The following RGS6 variants were observed in gnomAD, a reference collection of about 807,000 sequenced individuals.
RGS6 encodes the protein regulator of G protein signaling 6.
In RGS6, 30 loss-of-function variants were observed where a neutral mutation model predicts 78.5. That is an observed-to-expected ratio of 0.38 (90% CI 0.29 to 0.52). The LOEUF (loss-of-function observed/expected upper bound fraction) is 0.52. Among genes scored for constraint, RGS6 ranks in the 20% least tolerant of loss-of-function variants. The pLI, the probability that RGS6 is intolerant of heterozygous loss-of-function variation, is 0.85. For synonymous variants in RGS6, 206 were observed against 206.0 expected, an observed-to-expected ratio of 1.00 and a Z score of 0.00; for missense variants, 495 against 609.7, an observed-to-expected ratio of 0.81 and a Z score of 1.98.
At position 72,158,717 on chromosome 14, in the gene RGS6, C is replaced by T. The variant is rs553180188; in HGVS notation, c.85-193378C>T. ...TTATGTAAGAGGGGTAATAATAGAG[C>T]CAGTGAAATACTGGATGAATTCATT... On this transcript the variant is annotated intron_variant, in intron 2 of 17. Coordinates refer to ENST00000553525, the MANE Select transcript of RGS6 (RefSeq NM_001204424.2). 2.0e-5 allele frequency among the ~76,000 whole-genome samples: 3 copies of T among 152,200 alleles called. No individual in the cohort carries two copies. In the East Asian group the frequency reaches 5.8e-4, roughly 29 times the overall value.
At chr14:72,033,414 T>G (rs2153348776) in intron 2 of RGS6, among the ~76,000 whole-genome samples, 1 of 152,108 alleles carries the variant, frequency 6.6e-6, no homozygotes, top group South Asian at 2.1e-4. Flanking sequence ...TTTTTATTAT[T>G]TGTAGAGATG....
At chr14:72,424,965 G>A (rs2094371986) in intron 3 of RGS6, among the ~76,000 whole-genome samples, 1 of 152,220 alleles carries the variant, frequency 6.6e-6, no homozygotes, top group Non-Finnish European at 1.5e-5. Flanking sequence ...AGATGCAACA[G>A]TGCTGAGAAC....
At chr14:72,321,504 G>T (rs1048023360) in intron 2 of RGS6, among the ~76,000 whole-genome samples, 1 of 151,906 alleles carries the variant, frequency 6.6e-6, no homozygotes, top group African/African-American at 2.4e-5. Context: ...ATAGAAGGAT[G>T]AGCAAAGGAA....
chr14:72,079,121 C>T (rs904925647), intron 2 of RGS6, among the ~76,000 whole-genome samples: 1 of 152,088 alleles, frequency 6.6e-6, no homozygotes, highest in African/African-American at 2.4e-5. Context: ...TGCATCCAAA[C>T]CCATGAATTC....
intron 2 of RGS6, among the ~76,000 whole-genome samples, chr14:72,175,311 G>T (rs936641801): frequency 6.6e-6 from 1 of 152,170 alleles, no homozygotes; most frequent in Non-Finnish European, 1.5e-5. Context: ...AGTCAGCAGA[G>T]GATACTTTCA....
At chr14:72,614,777 GA>G in the RGS6 span, among the ~76,000 whole-genome samples, 55 of 96,002 alleles carry the variant, frequency 5.7e-4, no homozygotes, top group South Asian at 1.9e-3. Context: ...ACAAGCCTCA[GA>G]AAAAAAAAAA....
chr14:72,546,279 T>C (rs1045785919), intron 17 of RGS6, among the ~76,000 whole-genome samples: 3 of 152,262 alleles, frequency 2.0e-5, no homozygotes, highest in African/African-American at 4.8e-5. Context: ...TTTACTGTTA[T>C]AGTTTTGTAG....
At chr14:72,626,876 A>G in the RGS6 span, among the ~76,000 whole-genome samples, 1 of 151,934 alleles carries the variant, frequency 6.6e-6, no homozygotes, top group African/African-American at 2.4e-5. Context: ...CCATCTGATA[A>G]GTAAGAAATG....
chr14:72,190,735 T>C (rs369074769), intron 2 of RGS6, among the ~76,000 whole-genome samples: 3 of 152,242 alleles, frequency 2.0e-5, no homozygotes, highest in South Asian at 4.1e-4. Flanking sequence ...TATACACTTA[T>C]TACTGTTGGT....
chr14:72,502,260 C>T (rs976863618), intron 13 of RGS6, among the ~76,000 whole-genome samples: 3 of 152,166 alleles, frequency 2.0e-5, no homozygotes, highest in Non-Finnish European at 4.4e-5. Flanking sequence ...TCCTGGTCAG[C>T]AACTAGCATC....
intron 2 of RGS6, chr14:71,990,944 C>T (rs1409844166): frequency 2.3e-6 from 1 of 432,682 alleles, no homozygotes; most frequent in Non-Finnish European, 4.6e-6. Context: ...GAACCTGAAC[C>T]TGATTCTCTT....
chr14:72,413,914 T>C (rs1186151873), intron 3 of RGS6, among the ~76,000 whole-genome samples: 1 of 152,252 alleles, frequency 6.6e-6, no homozygotes, highest in Non-Finnish European at 1.5e-5. Flanking sequence ...TCTTCTGGCT[T>C]GTAGAGTTTC....
At chr14:71,905,364 G>A in the RGS6 span, among the ~76,000 whole-genome samples, 2 of 152,132 alleles carry the variant, frequency 1.3e-5, no homozygotes, top group African/African-American at 2.4e-5. Context: ...ATGTTGTTTT[G>A]TCTTTTTTTG....
chr14:72,273,281 A>T (rs1487443223), intron 2 of RGS6, among the ~76,000 whole-genome samples: 1 of 152,214 alleles, frequency 6.6e-6, no homozygotes, highest in Non-Finnish European at 1.5e-5. Context: ...AAAAGAACTT[A>T]TATGTATGTG....
In RGS6 at chr14:72,323,758, G is replaced by A. The variant is rs1395988078; in HGVS notation, c.85-28337G>A. Among the ~76,000 whole-genome samples the A allele has an allele frequency of 7.7e-5, 9 of 116,362 alleles. No individual in the cohort carries two copies. In the South Asian group the frequency reaches 1.8e-3, roughly 24 times the overall value. 76.3% of individuals were successfully genotyped at this position (116,362 alleles called of 152,430 possible). A position where few individuals can be genotyped will look rare whatever the true frequency, so the allele number is the denominator to read the frequency against. On this transcript the variant is annotated intron_variant, in intron 2 of 17. Coordinates refer to ENST00000553525, the MANE Select transcript of RGS6 (RefSeq NM_001204424.2). ...CGGAGGTTGCAGTGAGCCCAGCGGC[G>A]CCACTGCACTCCAGCCTGGGTGACA... is the stretch of plus-strand genomic sequence containing the variant.
intron 2 of RGS6, among the ~76,000 whole-genome samples, chr14:72,317,019 G>T (rs1354806194): frequency 6.6e-6 from 1 of 151,772 alleles, no homozygotes; most frequent in East Asian, 1.9e-4. Context: ...TTTGGTAACT[G>T]ATCACTTACA....
At chr14:72,098,611 A>G (rs1355227217) in intron 2 of RGS6, among the ~76,000 whole-genome samples, 1 of 152,246 alleles carries the variant, frequency 6.6e-6, no homozygotes, top group African/African-American at 2.4e-5. Flanking sequence ...AGAGTTGCCA[A>G]CATTTATCAG....
At chr14:72,453,229 A>G (rs1373000768) in intron 3 of RGS6, among the ~76,000 whole-genome samples, 2 of 152,046 alleles carry the variant, frequency 1.3e-5, no homozygotes, top group Non-Finnish European at 2.9e-5. Context: ...GTTTCCAGGT[A>G]CTAGGGATTC....
chr14:71,886,917 C>T, the RGS6 span, among the ~76,000 whole-genome samples: 57 of 152,150 alleles, frequency 3.7e-4, no homozygotes, highest in Non-Finnish European at 7.5e-4. Flanking sequence ...TTTGGGAGGC[C>T]GAGGCGGGTG....
Sources: allele counts gnomAD v4.1 joint callset (sites outside exome capture counted in the v4.1 genomes callset), GRCh38; gene constraint gnomAD v4.1.1; transcripts MANE v1.5; gene names NCBI Gene and HGNC (gene_info 2026-07-23, HGNC 2026-07-21).